SLC22A3: variants seen among roughly 807,000 people sequenced by gnomAD.
SLC22A3 encodes the protein solute carrier family 22 member 3, also known as EMT organic cation transporter 3.
SLC22A3 carries 51 observed loss-of-function variants against 59.1 expected under a neutral mutation model. The ratio of observed to expected loss-of-function variants is 0.86; its 90% CI spans 0.69 to 1.09. The LOEUF (loss-of-function observed/expected upper bound fraction) is 1.09. SLC22A3 is among the 50% of genes least tolerant of loss of function. The pLI is 0.00. For synonymous variants in SLC22A3, 325 were observed against 292.0 expected (o/e 1.11, Z -1.15); for missense variants, 711 against 726.3 (o/e 0.98, Z 0.24).
chr6:160,430,266 G>A (rs1242965857), intron 5 of SLC22A3, among the ~76,000 whole-genome samples: 1 of 151,902 alleles, frequency 6.6e-6, no homozygotes, highest in Non-Finnish European at 1.5e-5. Flanking sequence ...CTACTGATGA[G>A]AAAACTAAGG....
At chr6:160,421,261 G>A (rs1171030343) in intron 5 of SLC22A3, among the ~76,000 whole-genome samples, 1 of 152,152 alleles carries the variant, frequency 6.6e-6, no homozygotes, top group African/African-American at 2.4e-5. Flanking sequence ...GCCTCTCCAT[G>A]TGGAGGAACA....
At position 160,445,584 on chromosome 6, in the gene SLC22A3, TG is replaced by T. The variant is rs550721659; in HGVS notation, c.1510+1847del. Reference sequence around the variant, plus strand: ...TGCAAGTGGGTTGGAGGGACGATGTTGGGGGTGACAATTCAAGGATGTCATC... The same window carrying T: ...TGCAAGTGGGTTGGAGGGACGATGTTGGGGTGACAATTCAAGGATGTCATC... On this transcript the variant is annotated intron_variant, in intron 9 of 10. Coordinates refer to ENST00000275300, the MANE Select transcript of SLC22A3 (RefSeq NM_021977.4). Among the ~76,000 whole-genome samples the T allele has an allele frequency of 1.1e-4, 17 of 152,168 alleles. No individual in the cohort carries two copies. The East Asian group carries it at 3.3e-3, about 29-fold the overall frequency.
At chr6:160,386,774 A>G (rs973413663) in intron 1 of SLC22A3, among the ~76,000 whole-genome samples, 1 of 152,190 alleles carries the variant, frequency 6.6e-6, no homozygotes, top group Non-Finnish European at 1.5e-5. Context: ...ACTTACCCCA[A>G]GGCATGGTGT....
chr6:160,348,984 G>C, intron 1 of SLC22A3, 136 bp downstream of exon 1: 2 of 1,511,808 alleles, frequency 1.3e-6, no homozygotes, highest in Non-Finnish European at 1.8e-6. Context: ...TCTGGGGACA[G>C]ACAGGATTCA....
intron 1 of SLC22A3, among the ~76,000 whole-genome samples, chr6:160,378,421 A>G (rs570151287): frequency 9.2e-5 from 14 of 152,304 alleles, no homozygotes; most frequent in African/African-American, 3.4e-4. Flanking sequence ...TTTAAAAGGT[A>G]CACGTGTTAC....
intron 1 of SLC22A3, among the ~76,000 whole-genome samples, chr6:160,368,776 C>T (rs879310572): frequency 4.6e-5 from 7 of 152,248 alleles, no homozygotes; most frequent in Non-Finnish European, 7.4e-5. Context: ...AATAGGATTC[C>T]TACTCTGTAG....
rs886935657 is a variant in SLC22A3, at chr6:160,451,864, T to C, written c.*808T>C. ...TCCCTTCTTTACTAAACAAATCCCA[T>C]GGATTCTGATTTCTGGGTCTTAGGA... On this transcript the variant is annotated 3_prime_UTR_variant, in exon 11 of 11. Coordinates refer to ENST00000275300, the MANE Select transcript of SLC22A3 (RefSeq NM_021977.4). 1 of 152,200 alleles carries C rather than the reference T, an allele frequency of 6.6e-6. No homozygotes were observed. Among genetic ancestry groups the C allele is most frequent in the East Asian group, 1.9e-4 (1 of 5,200 alleles). The allele number at this position is 152,200 out of a possible 1,614,324, so 9.4% of individuals were successfully genotyped here.
chr6:160,418,273 C>G (rs546188840), intron 5 of SLC22A3, among the ~76,000 whole-genome samples: 1 of 152,274 alleles, frequency 6.6e-6, no homozygotes, highest in South Asian at 2.1e-4. Context: ...TTCTCCTGGG[C>G]TGGATGCTTC....
chr6:160,393,701 C>A (rs1316712643), intron 1 of SLC22A3, among the ~76,000 whole-genome samples: 2 of 152,110 alleles, frequency 1.3e-5, no homozygotes, highest in African/African-American at 4.8e-5. Context: ...GCATTATTTT[C>A]TGCCTTGCTT....
intron 1 of SLC22A3, among the ~76,000 whole-genome samples, chr6:160,396,408 G>A (rs993312830): frequency 1.6e-4 from 25 of 152,032 alleles, no homozygotes; most frequent in African/African-American, 6.0e-4. Flanking sequence ...TGACATGCTG[G>A]CTAATAAAAA....
At chr6:160,380,380 G>T (rs1452480249) in intron 1 of SLC22A3, among the ~76,000 whole-genome samples, 1 of 151,906 alleles carries the variant, frequency 6.6e-6, no homozygotes, top group Admixed American at 6.6e-5. Flanking sequence ...AAAAGTAAAG[G>T]CATGTAATCT....
intron 4 of SLC22A3, among the ~76,000 whole-genome samples, chr6:160,410,316 C>A (rs1428849933): frequency 6.6e-6 from 1 of 152,188 alleles, no homozygotes; most frequent in African/African-American, 2.4e-5. Flanking sequence ...CACACCCAGC[C>A]AGCATTTGAT....
intron 1 of SLC22A3, among the ~76,000 whole-genome samples, chr6:160,364,593 A>G (rs1023109852): frequency 1.3e-5 from 2 of 152,244 alleles, no homozygotes; most frequent in Non-Finnish European, 2.9e-5. Context: ...AAGGGAGGCT[A>G]TCAAAACCTA....
chr6:160,421,070 G>A (rs941284156), intron 5 of SLC22A3, among the ~76,000 whole-genome samples: 1 of 152,112 alleles, frequency 6.6e-6, no homozygotes, highest in Non-Finnish European at 1.5e-5. Flanking sequence ...TCCTCAGAAG[G>A]CAGGTTTCTG....
chr6:160,371,347 G>C (rs1785390777), intron 1 of SLC22A3, among the ~76,000 whole-genome samples: 1 of 151,998 alleles, frequency 6.6e-6, no homozygotes, highest in Admixed American at 6.6e-5. Context: ...CCTACCCCCT[G>C]ACAGGCCCTG....
At chr6:160,443,080 A>C (rs1788609663) in intron 8 of SLC22A3, among the ~76,000 whole-genome samples, 1 of 152,242 alleles carries the variant, frequency 6.6e-6, no homozygotes, top group African/African-American at 2.4e-5. Context: ...TTCTCATATT[A>C]ATATCTTCAC....
chr6:160,400,713 T>A (rs528663698), intron 2 of SLC22A3, among the ~76,000 whole-genome samples: 1 of 151,230 alleles, frequency 6.6e-6, no homozygotes, highest in Admixed American at 6.6e-5. Context: ...CAGAACTAAA[T>A]TCAGATATGG....
chr6:160,431,110 T>C (rs1430160092), intron 5 of SLC22A3, among the ~76,000 whole-genome samples: 1 of 152,226 alleles, frequency 6.6e-6, no homozygotes, highest in African/African-American at 2.4e-5. Context: ...TATCATAAAG[T>C]GCATGTAAAT....
intron 10 of SLC22A3, 57 bp from the exon 11 acceptor site, chr6:160,450,939 C>A (rs1040767936): frequency 6.8e-7 from 1 of 1,464,702 alleles, no homozygotes; most frequent in Non-Finnish European, 9.4e-7. Flanking sequence ...TAACAGAACA[C>A]CCTCTTCTAA....
Sources: gnomAD v4.1 joint callset for allele counts (sites outside exome capture counted in the v4.1 genomes callset) on GRCh38, gnomAD v4.1.1 for gene constraint, MANE v1.5 for transcripts, NCBI Gene and HGNC (gene_info 2026-07-23, HGNC 2026-07-21) for gene names.